The following IMMP2L variants were observed in gnomAD, a reference collection of about 807,000 sequenced individuals.
IMMP2L encodes the protein mitochondrial inner membrane protease subunit 2.
A neutral mutation model predicts 19.3 loss-of-function variants in IMMP2L; 18 were observed. That is an observed-to-expected ratio of 0.93 (90% CI 0.64 to 1.38). IMMP2L has a LOEUF of 1.38. Among genes scored for constraint, IMMP2L ranks in the 40% most tolerant of loss-of-function variants. The pLI, the probability that IMMP2L is intolerant of heterozygous loss-of-function variation, is 0.00. For missense variants in IMMP2L, 233 were observed against 218.2 expected (o/e 1.07, Z -0.43); for synonymous variants, 76 against 73.0 (o/e 1.04, Z -0.21).
intron 3 of IMMP2L, among the ~76,000 whole-genome samples, chr7:111,191,431 TACACAC>T (rs57414194): frequency 0.031 from 4,481 of 146,736 alleles, 150 homozygotes; most frequent in African/African-American, 0.087. Flanking sequence ...GCTGCTCAAA[TACACAC>T]ACACACACAC....
intron 5 of IMMP2L, among the ~76,000 whole-genome samples, chr7:110,811,014 G>T (rs1044404309): frequency 6.6e-6 from 1 of 152,004 alleles, no homozygotes; most frequent in African/African-American, 2.4e-5. Context: ...GAGAGGCCAT[G>T]TTGAGGATAT....
intron 3 of IMMP2L, among the ~76,000 whole-genome samples, chr7:111,138,791 GAAA>G (rs1433423306): frequency 6.6e-6 from 1 of 152,114 alleles, no homozygotes; most frequent in Non-Finnish European, 1.5e-5. Context: ...TGTTTTGCCA[GAAA>G]AAGAGTCCCA....
chr7:111,255,935 A>G (rs1816645599), intron 3 of IMMP2L, among the ~76,000 whole-genome samples: 1 of 152,118 alleles, frequency 6.6e-6, no homozygotes, highest in African/African-American at 2.4e-5. Context: ...AGCTGTAATT[A>G]CCAAGGAATG....
At chr7:111,466,344 A>T (rs1229593812) in intron 3 of IMMP2L, among the ~76,000 whole-genome samples, 1 of 152,048 alleles carries the variant, frequency 6.6e-6, no homozygotes, top group Non-Finnish European at 1.5e-5. Flanking sequence ...AAAGTATAAT[A>T]AAAAAAATTA....
At chr7:110,963,206 C>T (rs1445403859) in intron 4 of IMMP2L, 5 of 771,506 alleles carry the variant, frequency 6.5e-6, no homozygotes, top group Non-Finnish European at 9.8e-6. Flanking sequence ...AATAGTCATG[C>T]TACTTTTAAT....
At chr7:111,190,496 GA>G (rs1808746195) in intron 3 of IMMP2L, among the ~76,000 whole-genome samples, 1 of 152,022 alleles carries the variant, frequency 6.6e-6, no homozygotes, top group African/African-American at 2.4e-5. Context: ...ACAAAATTAA[GA>G]GAAATATTTC....
chr7:111,176,824 T>C (rs1321635516), intron 3 of IMMP2L, among the ~76,000 whole-genome samples: 5 of 151,984 alleles, frequency 3.3e-5, no homozygotes, highest in Admixed American at 3.3e-4. Flanking sequence ...TGGTGCACAG[T>C]GTGGACTCTC....
At chr7:111,322,685 G>C (rs142293092) in intron 3 of IMMP2L, among the ~76,000 whole-genome samples, 1 of 151,366 alleles carries the variant, frequency 6.6e-6, no homozygotes. Flanking sequence ...AGATCACGAC[G>C]CAAAATCTCC....
At chr7:111,490,067 A>G (rs948227768) in intron 2 of IMMP2L, among the ~76,000 whole-genome samples, 2 of 145,418 alleles carry the variant, frequency 1.4e-5, no homozygotes, top group African/African-American at 5.1e-5. Context: ...AAGTGCTGTC[A>G]TTACACACGT....
intron 3 of IMMP2L, among the ~76,000 whole-genome samples, chr7:111,479,927 T>G (rs1303184251): frequency 6.6e-6 from 1 of 152,158 alleles, no homozygotes; most frequent in Non-Finnish European, 1.5e-5. Context: ...AAAATCTCGG[T>G]AATTCAAAAT....
At chr7:111,312,667 A>C (rs1823645112) in intron 3 of IMMP2L, among the ~76,000 whole-genome samples, 1 of 152,170 alleles carries the variant, frequency 6.6e-6, no homozygotes, top group South Asian at 2.1e-4. Context: ...CTTTGACTTT[A>C]GTAAACACTT....
intron 4 of IMMP2L, chr7:110,963,235 T>A: frequency 3.1e-6 from 2 of 650,304 alleles, no homozygotes; most frequent in Non-Finnish European, 5.0e-6. Flanking sequence ...AATAATGATT[T>A]AATGATCATT....
chr7:110,759,188 C>G (rs1217708509), intron 5 of IMMP2L, among the ~76,000 whole-genome samples: 1 of 152,066 alleles, frequency 6.6e-6, no homozygotes, highest in African/African-American at 2.4e-5. Flanking sequence ...GAAGACATTC[C>G]TGAGTCACCC....
intron 5 of IMMP2L, among the ~76,000 whole-genome samples, chr7:110,733,471 A>G (rs1361108950): frequency 6.9e-6 from 1 of 143,930 alleles, no homozygotes; most frequent in Admixed American, 6.8e-5. Context: ...TTTTTTTTTT[A>G]GATAGGTTGC....
intron 3 of IMMP2L, among the ~76,000 whole-genome samples, chr7:111,140,664 C>G (rs1460159153): frequency 6.6e-6 from 1 of 152,164 alleles, no homozygotes; most frequent in African/African-American, 2.4e-5. Flanking sequence ...TTGGAAATAT[C>G]TGAACTTCTC....
rs369963590 is a variant in IMMP2L, at chr7:111,521,099, G to A, written c.135+214C>T. Among the ~76,000 whole-genome samples, 84 of 152,122 alleles carry A rather than the reference G, an allele frequency of 5.5e-4. 2 individuals carry two copies. The highest frequency in any genetic ancestry group is 1.9e-3 in the African/African-American group (78 of 41,498). The stretch of plus-strand genomic sequence containing the variant: ...GAAAAATTTAAACTACAGACCCAGA[G>A]AACTGATAGTTACTTTTATTAACCT... On this transcript the variant is annotated intron_variant, in intron 2 of 5. Coordinates refer to ENST00000405709, the MANE Select transcript of IMMP2L (RefSeq NM_032549.4).
At chr7:110,970,553 T>C (rs1399221196) in intron 3 of IMMP2L, among the ~76,000 whole-genome samples, 1 of 152,126 alleles carries the variant, frequency 6.6e-6, no homozygotes. Context: ...TAAAACTTGA[T>C]TTTAATATAT....
At position 110,669,137 on chromosome 7, in the gene IMMP2L, A is replaced by G. The variant is rs150680454; in HGVS notation, c.409-5416T>C. 2.4e-4 allele frequency among the ~76,000 whole-genome samples: 36 copies of G among 151,166 alleles called. 1 individual carries two copies. In the East Asian group the frequency reaches 4.9e-3, roughly 21 times the overall value. On this transcript the variant is annotated intron_variant, in intron 5 of 5. Coordinates refer to ENST00000405709, the MANE Select transcript of IMMP2L (RefSeq NM_032549.4). ...GAGAGAGAGAGAGAAAGAGAGATTT[A>G]TCTTTAAGGAATTAGCACATGTGAT...
chr7:111,548,890 CA>C (rs1353505302), intron 1 of IMMP2L, among the ~76,000 whole-genome samples: 1 of 152,086 alleles, frequency 6.6e-6, no homozygotes, highest in East Asian at 1.9e-4. Flanking sequence ...TTTCTTCCTA[CA>C]AACAGGAAAT....
Sources: allele counts gnomAD v4.1 joint callset (sites outside exome capture counted in the v4.1 genomes callset), GRCh38; gene constraint gnomAD v4.1.1; transcripts MANE v1.5; gene names NCBI Gene and HGNC (gene_info 2026-07-23, HGNC 2026-07-21).